EFCAB5: variants seen among roughly 807,000 people sequenced by gnomAD.
EFCAB5 encodes the protein EF-hand calcium binding domain 5.
Under a neutral mutation model 167.9 loss-of-function variants are expected in EFCAB5, and 131 were observed. The ratio of observed to expected loss-of-function variants is 0.78; its 90% CI spans 0.68 to 0.90. The LOEUF is 0.90. EFCAB5 is among the 40% of genes least tolerant of loss of function. The probability of loss-of-function intolerance (pLI) is 0.00; values close to 1 mark genes in which losing one functional copy is unlikely to be tolerated. For synonymous variants in EFCAB5, 574 were observed against 602.8 expected (o/e 0.95, Z 0.70); for missense variants, 1,663 against 1,745.2 (o/e 0.95, Z 0.84).
At chr17:30,009,283 G>T (rs986857279) in intron 7 of EFCAB5, among the ~76,000 whole-genome samples, 2 of 152,084 alleles carry the variant, frequency 1.3e-5, no homozygotes, top group African/African-American at 4.8e-5. Flanking sequence ...GTGTACAATT[G>T]AATGGGCTTT....
At chr17:29,981,413 A>C (rs1295166336) in intron 4 of EFCAB5, among the ~76,000 whole-genome samples, 1 of 151,970 alleles carries the variant, frequency 6.6e-6, no homozygotes, top group East Asian at 1.9e-4. Flanking sequence ...CTTCCTCTTT[A>C]CTTAATCCTA....
At chr17:30,081,093 T>A in intron 17 of EFCAB5, 112 bp downstream of exon 17, 1 of 779,632 alleles carries the variant, frequency 1.3e-6, no homozygotes, top group South Asian at 1.8e-5. Flanking sequence ...ACAGATAACA[T>A]CATCATACTT....
At position 29,941,834 on chromosome 17, in the gene EFCAB5, C is replaced by T; in HGVS notation, c.38C>T (p.Ala13Val). The change falls in exon 1 of 23, where the codon GCT becomes GTT. Residue 13 changes from alanine to valine, a missense_variant. Ala to Val is a moderately conservative substitution (Grantham distance 64). Transcript: ENST00000394835. Reference sequence around the variant, plus strand: ...GCATCTCAAGAGGAACTCAGACCTGCTCAGGTTCTTGTCCTACATAGGTTT... The same window carrying T: ...GCATCTCAAGAGGAACTCAGACCTGTTCAGGTTCTTGTCCTACATAGGTTT... ...ESASQEELRPAQENRKEDKER... is the reference protein window; with the variant it reads ...ESASQEELRPVQENRKEDKER... 3.7e-6 allele frequency: 6 copies of T among 1,603,846 alleles called. No individual in the cohort carries two copies. Among genetic ancestry groups the T allele is most frequent in the Non-Finnish European group, 5.1e-6 (6 of 1,174,456 alleles).
intron 14 of EFCAB5, among the ~76,000 whole-genome samples, chr17:30,074,937 CTG>C (rs148311884): frequency 6.6e-6 from 1 of 151,426 alleles, no homozygotes; most frequent in African/African-American, 2.4e-5. Context: ...GATGTAGAAA[CTG>C]TGTGTGTGTG....
At chr17:29,930,276 C>T (rs2067168280) in intron 1 of EFCAB5, 1 of 492,026 alleles carries the variant, frequency 2.0e-6, no homozygotes. Flanking sequence ...CGCCTCTCCC[C>T]TCGGCGCGCG....
Position 30,053,684 on chromosome 17 carries a change from G to C in EFCAB5, c.1730G>C (p.Gly577Ala). The change falls in exon 10 of 23, where the codon GGA becomes GCA. Residue 577 changes from glycine (G) to alanine (A), a missense_variant. Gly to Ala is a moderately conservative substitution (Grantham distance 60, BLOSUM62 0). Transcript: ENST00000394835. ...CACAGAGAGTCAACTACAGAACAAG[G>C]ACAGCACAAAGGGTCAATAGAAGGA... ...ETHRESTTEQ[G>A]QHKGSIEGQG... 6.2e-7 allele frequency: 1 copy of C among 1,613,896 alleles called. No homozygotes were observed. Among genetic ancestry groups the C allele is most frequent in the Non-Finnish European group, 8.5e-7 (1 of 1,179,858 alleles).
intron 8 of EFCAB5, among the ~76,000 whole-genome samples, chr17:30,048,450 T>C (rs1420368030): frequency 6.6e-6 from 1 of 151,762 alleles, no homozygotes; most frequent in Non-Finnish European, 1.5e-5. Flanking sequence ...TATTCTTATC[T>C]AATTTTCCTG....
chr17:30,041,527 C>T (rs2151753957), intron 8 of EFCAB5, among the ~76,000 whole-genome samples: 1 of 152,186 alleles, frequency 6.6e-6, no homozygotes, highest in Middle Eastern at 3.4e-3. Flanking sequence ...ATGGAATTTA[C>T]CCCCGGTGAA....
chr17:30,084,894 T>C (rs1597551943), intron 18 of EFCAB5, among the ~76,000 whole-genome samples: 1 of 152,246 alleles, frequency 6.6e-6, no homozygotes, highest in East Asian at 1.9e-4. Flanking sequence ...GTGGGTTAGC[T>C]GTGTTTCTCT....
At chr17:30,049,116 C>T (rs1567739112) in intron 8 of EFCAB5, among the ~76,000 whole-genome samples, 4 of 152,068 alleles carry the variant, frequency 2.6e-5, no homozygotes. Context: ...GAGCTGAAAG[C>T]AGCATTAGAT....
intron 7 of EFCAB5, among the ~76,000 whole-genome samples, chr17:30,033,082 C>CT (rs555568745): frequency 0.011 from 1,647 of 144,762 alleles, 23 homozygotes; most frequent in African/African-American, 0.031. Context: ...TGAGCTCACA[C>CT]TTTTTTTTTT....
chr17:29,943,938 A>G (rs1216922940), intron 3 of EFCAB5, among the ~76,000 whole-genome samples: 1 of 152,016 alleles, frequency 6.6e-6, no homozygotes, highest in East Asian at 1.9e-4. Flanking sequence ...CGTGGATTGC[A>G]CTCCAGCCTG....
chr17:29,996,510 T>C, intron 6 of EFCAB5, 150 bp downstream of exon 6: 1 of 622,772 alleles, frequency 1.6e-6, no homozygotes, highest in East Asian at 2.8e-5. Flanking sequence ...AGATACAGAA[T>C]GTATACAAGC....
chr17:30,059,285 G>T, intron 13 of EFCAB5: 5 of 259,554 alleles, frequency 1.9e-5, no homozygotes, highest in Non-Finnish European at 3.6e-5. Context: ...TTTTTTTTAA[G>T]ACTGAGGTCT....
chr17:30,037,093 G>C (rs1441358258), intron 8 of EFCAB5, among the ~76,000 whole-genome samples: 2 of 152,256 alleles, frequency 1.3e-5, no homozygotes, highest in East Asian at 3.9e-4. Flanking sequence ...TCATTTTCTA[G>C]GTGTAGCTCA....
At chr17:30,096,064 A>G (rs2071282286) in intron 22 of EFCAB5, among the ~76,000 whole-genome samples, 1 of 152,220 alleles carries the variant, frequency 6.6e-6, no homozygotes, top group Non-Finnish European at 1.5e-5. Flanking sequence ...AATGCCTTTT[A>G]GTTACGAGTT....
At chr17:30,082,835 CTAAT>C in intron 17 of EFCAB5, 52 bp from the exon 18 acceptor site, 1 of 1,471,916 alleles carries the variant, frequency 6.8e-7, no homozygotes. Flanking sequence ...TACTATATTA[CTAAT>C]TATTTTTCTA....
At chr17:30,083,859 G>C (rs2071037156) in intron 18 of EFCAB5, among the ~76,000 whole-genome samples, 1 of 152,232 alleles carries the variant, frequency 6.6e-6, no homozygotes, top group South Asian at 2.1e-4. Context: ...AGTGGGAAGG[G>C]ACTAGGAGCT....
chr17:29,998,048 TA>T (rs763145341), intron 6 of EFCAB5, among the ~76,000 whole-genome samples: 9 of 152,224 alleles, frequency 5.9e-5, no homozygotes, highest in Non-Finnish European at 1.2e-4. Context: ...CTACTTTTGT[TA>T]CATTGACAAC....
Sources: allele counts gnomAD v4.1 joint callset (sites outside exome capture counted in the v4.1 genomes callset), GRCh38; gene constraint gnomAD v4.1.1; transcripts MANE v1.5; gene names NCBI Gene and HGNC (gene_info 2026-07-23, HGNC 2026-07-21).